RAD51B: variants seen among roughly 807,000 people sequenced by gnomAD.
RAD51B encodes RAD51 paralog B.
A neutral mutation model predicts 42.2 loss-of-function variants in RAD51B; 38 were observed. The ratio of observed to expected loss-of-function variants is 0.90; its 90% CI spans 0.70 to 1.18. The LOEUF (loss-of-function observed/expected upper bound fraction) is 1.18. Among genes scored for constraint, RAD51B ranks in the 50% most tolerant of loss-of-function variants. The pLI, the probability that RAD51B is intolerant of heterozygous loss-of-function variation, is 0.00. For missense variants in RAD51B, 373 were observed against 400.7 expected, an observed-to-expected ratio of 0.93 and a Z score of 0.59; for synonymous variants, 154 against 145.2, an observed-to-expected ratio of 1.06 and a Z score of -0.43.
At chr14:68,115,158 A>G (rs1382950740) in intron 7 of RAD51B, among the ~76,000 whole-genome samples, 1 of 137,324 alleles carries the variant, frequency 7.3e-6, no homozygotes, top group Non-Finnish European at 1.5e-5. Flanking sequence ...ATGTCCAACA[A>G]TGATAGACTG....
intron 7 of RAD51B, among the ~76,000 whole-genome samples, chr14:68,179,486 T>C (rs1292737980): frequency 6.6e-6 from 1 of 152,196 alleles, no homozygotes; most frequent in African/African-American, 2.4e-5. Context: ...ATAGAAAATC[T>C]AAATACAGAA....
At chr14:68,616,179 A>G (rs1891822040), downstream of RAD51B, among the ~76,000 whole-genome samples, 1 of 152,204 alleles carries the variant, frequency 6.6e-6, no homozygotes, top group African/African-American at 2.4e-5. Context: ...ATTTTTAATG[A>G]AAAATTTTAA....
intron 9 of RAD51B, among the ~76,000 whole-genome samples, chr14:68,461,574 T>C: frequency 6.6e-6 from 1 of 152,162 alleles, no homozygotes. Context: ...TGGTTGTTGT[T>C]GTTCTCATCA....
At chr14:67,995,679 G>A (rs1025324682) in intron 7 of RAD51B, among the ~76,000 whole-genome samples, 6 of 150,666 alleles carry the variant, frequency 4.0e-5, no homozygotes, top group Non-Finnish European at 5.9e-5. Context: ...GTGCAGTGGC[G>A]CAATCTCAGC....
intron 7 of RAD51B, among the ~76,000 whole-genome samples, chr14:68,146,380 G>A (rs534739731): frequency 2.0e-5 from 3 of 152,172 alleles, no homozygotes; most frequent in African/African-American, 7.2e-5. Context: ...AACCAAGATG[G>A]CGCCACTGCA....
In RAD51B at chr14:68,526,024, C is replaced by G. The variant is rs138230005; in HGVS notation, c.1036+57774C>G. Among the ~76,000 whole-genome samples the G allele has an allele frequency of 2.6e-5, 4 of 152,332 alleles. No homozygotes were observed. In the East Asian group the frequency reaches 7.7e-4, roughly 29 times the overall value. ...AGGCTCTGGTTCAGGTTCTTACTACCTCTGTGACATTGGGAAAGTTGGTTA... is the reference window on the plus strand; with the variant it reads ...AGGCTCTGGTTCAGGTTCTTACTACGTCTGTGACATTGGGAAAGTTGGTTA... On this transcript the variant is annotated intron_variant, in intron 10 of 10. Transcript: ENST00000487270.
chr14:67,936,079 G>T (rs1238189760), intron 7 of RAD51B, among the ~76,000 whole-genome samples: 1 of 152,106 alleles, frequency 6.6e-6, no homozygotes. Flanking sequence ...AATTTTAACA[G>T]CTTTTTGAGA....
intron 9 of RAD51B, among the ~76,000 whole-genome samples, chr14:68,429,062 T>C (rs2084932484): frequency 6.6e-6 from 1 of 152,136 alleles, no homozygotes; most frequent in Admixed American, 6.5e-5. Flanking sequence ...GCTTCATCCA[T>C]GTCCCTACAA....
At chr14:68,546,801 A>G (rs1888258751) in intron 10 of RAD51B, among the ~76,000 whole-genome samples, 1 of 152,180 alleles carries the variant, frequency 6.6e-6, no homozygotes, top group African/African-American at 2.4e-5. Flanking sequence ...TACCTAGGAC[A>G]GGGCAGAGGT....
intron 7 of RAD51B, among the ~76,000 whole-genome samples, chr14:67,977,815 CT>C (rs1397987776): frequency 6.6e-6 from 1 of 152,170 alleles, no homozygotes; most frequent in African/African-American, 2.4e-5. Flanking sequence ...TGCACAAGCC[CT>C]GGAGAACAAA....
chr14:68,461,876 G>A (rs1231018145), intron 9 of RAD51B, among the ~76,000 whole-genome samples: 2 of 152,102 alleles, frequency 1.3e-5, no homozygotes, highest in African/African-American at 4.8e-5. Context: ...TTCCTTCCAC[G>A]CTTTATTTAG....
At chr14:68,647,841 G>T (rs998004788) in intron 10 of RAD51B, among the ~76,000 whole-genome samples, 2 of 151,770 alleles carry the variant, frequency 1.3e-5, no homozygotes, top group African/African-American at 4.8e-5. Context: ...ACCATTCCTG[G>T]CTAATTTTGT....
intron 7 of RAD51B, among the ~76,000 whole-genome samples, chr14:67,906,195 C>T (rs1046403395): frequency 2.6e-5 from 4 of 152,032 alleles, no homozygotes; most frequent in African/African-American, 7.3e-5. Flanking sequence ...TGATGAACCA[C>T]GTTTATTGAT....
chr14:67,930,917 C>CTTTT (rs548979995), intron 7 of RAD51B, among the ~76,000 whole-genome samples: 15 of 140,518 alleles, frequency 1.1e-4, no homozygotes, highest in Non-Finnish European at 1.7e-4. Context: ...TGGGTTATTT[C>CTTTT]TTTTTTTTTT....
chr14:67,934,956 T>G (rs1451724869), intron 7 of RAD51B, among the ~76,000 whole-genome samples: 3 of 152,194 alleles, frequency 2.0e-5, no homozygotes, highest in African/African-American at 7.2e-5. Context: ...AGCACCATAC[T>G]CTCCTCTGCT....
chr14:67,971,626 G>A (rs1192213527), intron 7 of RAD51B, among the ~76,000 whole-genome samples: 2 of 152,112 alleles, frequency 1.3e-5, no homozygotes, highest in Non-Finnish European at 2.9e-5. Context: ...AATTTGAGCT[G>A]AGTCTTGAAG....
intron 5 of RAD51B, among the ~76,000 whole-genome samples, chr14:67,876,670 A>G (rs2042737351): frequency 6.6e-6 from 1 of 152,192 alleles, no homozygotes; most frequent in Non-Finnish European, 1.5e-5. Context: ...TTTCTGAGGC[A>G]TTCTACCACA....
At chr14:68,096,852 T>C (rs558330124) in intron 7 of RAD51B, among the ~76,000 whole-genome samples, 5 of 152,360 alleles carry the variant, frequency 3.3e-5, no homozygotes, top group African/African-American at 1.2e-4. Context: ...TTTTCTTATC[T>C]ATGTTCCTGT....
At chr14:68,298,189 G>A (rs1005750908) in intron 8 of RAD51B, among the ~76,000 whole-genome samples, 1 of 98,162 alleles carries the variant, frequency 1.0e-5, no homozygotes, top group Admixed American at 1.3e-4. Context: ...AATATTATGT[G>A]AGTAGGGGAG....
Sources: gnomAD v4.1 joint callset for allele counts (sites outside exome capture counted in the v4.1 genomes callset) on GRCh38, gnomAD v4.1.1 for gene constraint, MANE v1.5 for transcripts, NCBI Gene and HGNC (gene_info 2026-07-23, HGNC 2026-07-21) for gene names.